SYNPO2: variants seen among roughly 807,000 people sequenced by gnomAD.
The protein encoded by SYNPO2 is synaptopodin-2.
SYNPO2 carries 56 observed loss-of-function variants against 85.0 expected under a neutral mutation model. The ratio of observed to expected loss-of-function variants is 0.66; its 90% CI spans 0.53 to 0.82. The LOEUF (loss-of-function observed/expected upper bound fraction) is 0.82. Among genes scored for constraint, SYNPO2 ranks in the 40% least tolerant of loss-of-function variants. The pLI is 0.00. For missense variants in SYNPO2, 1,575 were observed against 1,534.2 expected, an observed-to-expected ratio of 1.03 and a Z score of -0.44; for synonymous variants, 602 against 591.1, an observed-to-expected ratio of 1.02 and a Z score of -0.27.
rs781368756 is a variant in SYNPO2 at position 119,027,111 on chromosome 4, G to A, written c.742G>A (p.Glu248Lys). 2 of 1,614,148 alleles carry A rather than the reference G, an allele frequency of 1.2e-6. No individual in the cohort carries two copies. Among genetic ancestry groups the A allele is most frequent in the Non-Finnish European group, 1.7e-6 (2 of 1,180,032 alleles). The part of the protein sequence containing the change: ...IVHINSIPTN[E>K]KADPFLRSSK... ...CCACATAAATTCGATCCCTACTAAT[G>A]AGAAAGCAGACCCTTTCCTGAGGTC... Residue 248 changes from glutamate (E) to lysine (K), a missense_variant, in exon 3 of 5, where the codon GAG becomes AAG. Physicochemically the swap from Glu to Lys is moderately conservative, Grantham distance 56. Coordinates refer to ENST00000307142, the MANE Select transcript of SYNPO2 (RefSeq NM_133477.3).
intron 1 of SYNPO2, among the ~76,000 whole-genome samples, chr4:118,857,394 G>T (rs1375660187): frequency 6.6e-6 from 1 of 151,872 alleles, no homozygotes; most frequent in Non-Finnish European, 1.5e-5. Context: ...ACAGGACAAA[G>T]GTAATAGCTG....
In SYNPO2 at chr4:118,997,239, C is replaced by CAAAAAAAAAAAA. The variant is rs1434428754; in HGVS notation, c.106-26184_106-26173dup. 3.6e-3 allele frequency among the ~76,000 whole-genome samples: 235 copies of CAAAAAAAAAAAA among 65,106 alleles called. 6 individuals are homozygous for CAAAAAAAAAAAA. The highest frequency in any genetic ancestry group is 0.014 in the African/African-American group (225 of 15,862). 42.7% of individuals were successfully genotyped at this position (65,106 alleles called of 152,430 possible). Reference sequence around the variant, plus strand: ...TGGGCGACAGAGCGAGACTCCGTCTCAAAAAAAAAAAAAAAAAATTAAAAG... The same window carrying CAAAAAAAAAAAA: ...TGGGCGACAGAGCGAGACTCCGTCTCAAAAAAAAAAAAAAAAAAAAAAAAAAAAAATTAAAAG... On this transcript the variant is annotated intron_variant, in intron 1 of 4. Transcript: ENST00000307142.
rs529385245 is a variant in SYNPO2, at chr4:118,879,238, T to G, written c.12+28298T>G. Reference sequence around the variant, plus strand: ...AGGGTCCGTGGCTTCATTGTTGAAGTCAGGGAGACCATGAACCCACTGGAA... The same window carrying G: ...AGGGTCCGTGGCTTCATTGTTGAAGGCAGGGAGACCATGAACCCACTGGAA... On this transcript the variant is annotated intron_variant, in intron 1 of 4. Coordinates refer to the SYNPO2 transcript ENST00000610556. 1.2e-4 allele frequency among the ~76,000 whole-genome samples: 18 copies of G among 152,326 alleles called. No individual in the cohort carries two copies. The East Asian group carries it at 2.9e-3, about 24-fold the overall frequency.
chr4:119,033,525 T>C, intron 4 of SYNPO2: 4 of 985,420 alleles, frequency 4.1e-6, no homozygotes, highest in Non-Finnish European at 4.8e-6. Flanking sequence ...TGTAGAGAAC[T>C]ATAAAGCATT....
At chr4:119,033,233 A>T in intron 4 of SYNPO2, 3 of 985,390 alleles carry the variant, frequency 3.0e-6, no homozygotes, top group Non-Finnish European at 2.4e-6. Flanking sequence ...TTTCTGAGTG[A>T]TCTCACAGAT....
At chr4:118,959,979 G>T (rs1735018643) in intron 1 of SYNPO2, among the ~76,000 whole-genome samples, 1 of 152,146 alleles carries the variant, frequency 6.6e-6, no homozygotes, top group Admixed American at 6.6e-5. Context: ...ATCCAGGTGG[G>T]TTCTATCCTT....
At chr4:118,882,465 A>G (rs1732122925) in intron 1 of SYNPO2, among the ~76,000 whole-genome samples, 1 of 152,264 alleles carries the variant, frequency 6.6e-6, no homozygotes, top group Non-Finnish European at 1.5e-5. Flanking sequence ...TAGCAAAACT[A>G]TAGTCAATAG....
intron 1 of SYNPO2, among the ~76,000 whole-genome samples, chr4:118,921,400 C>T (rs894442711): frequency 3.3e-5 from 5 of 152,144 alleles, no homozygotes; most frequent in African/African-American, 1.2e-4. Flanking sequence ...TTCGACACAA[C>T]AGCCAGGCTG....
chr4:118,925,514 A>G (rs1733684043), intron 1 of SYNPO2, among the ~76,000 whole-genome samples: 1 of 152,006 alleles, frequency 6.6e-6, no homozygotes, highest in African/African-American at 2.4e-5. Flanking sequence ...AGGTCTGCAG[A>G]GCTTGTGATC....
At chr4:118,878,991 C>T (rs966985928) in intron 1 of SYNPO2, among the ~76,000 whole-genome samples, 1 of 152,322 alleles carries the variant, frequency 6.6e-6, no homozygotes, top group South Asian at 2.1e-4. Flanking sequence ...TGTGGCTTCA[C>T]TCCTGAAGTC....
chr4:118,911,994 G>A (rs539563981), intron 1 of SYNPO2, among the ~76,000 whole-genome samples: 2 of 152,262 alleles, frequency 1.3e-5, no homozygotes, highest in East Asian at 3.9e-4. Context: ...ATTATGGAAA[G>A]CATTAATGGG....
chr4:119,042,678 T>C (rs1260198538), intron 4 of SYNPO2: 2 of 152,176 alleles, frequency 1.3e-5, no homozygotes, highest in Non-Finnish European at 2.9e-5. Flanking sequence ...TGTTTAACTT[T>C]AACATTAATC....
chr4:118,891,327 TTG>T (rs1366177339), intron 1 of SYNPO2, among the ~76,000 whole-genome samples: 1 of 152,178 alleles, frequency 6.6e-6, no homozygotes, highest in African/African-American at 2.4e-5. Flanking sequence ...GCCTTAATTT[TTG>T]TGTGTTTGTG....
At chr4:118,926,453 T>TAATGC (rs1184349825) in intron 1 of SYNPO2, among the ~76,000 whole-genome samples, 1 of 152,104 alleles carries the variant, frequency 6.6e-6, no homozygotes, top group Non-Finnish European at 1.5e-5. Flanking sequence ...AATGTTTAGG[T>TAATGC]AATGCAGTAG....
At chr4:118,927,799 T>TTGATAGATAGATAGAA (rs1275283406) in intron 1 of SYNPO2, among the ~76,000 whole-genome samples, 19 of 152,110 alleles carry the variant, frequency 1.2e-4, no homozygotes, top group African/African-American at 4.6e-4. Flanking sequence ...GATAGATAGA[T>TTGATAGATAGATAGAA]AGATAGATAT....
chr4:119,037,670 T>G, intron 4 of SYNPO2: 1 of 977,542 alleles, frequency 1.0e-6, no homozygotes, highest in Non-Finnish European at 1.2e-6. Flanking sequence ...AAGTTTCTAC[T>G]ATATGCAGGA....
At chr4:118,984,960 C>T (rs1736162655) in intron 1 of SYNPO2, among the ~76,000 whole-genome samples, 2 of 152,186 alleles carry the variant, frequency 1.3e-5, no homozygotes, top group Non-Finnish European at 2.9e-5. Context: ...TATTGTTTGT[C>T]ATTGACATTA....
At chr4:119,013,163 T>C (rs1438555147) in intron 1 of SYNPO2, among the ~76,000 whole-genome samples, 1 of 152,184 alleles carries the variant, frequency 6.6e-6, no homozygotes, top group Non-Finnish European at 1.5e-5. Flanking sequence ...TGAAACCACT[T>C]GCACCTTAGC....
chr4:118,941,377 C>T (rs1734307826), intron 1 of SYNPO2, among the ~76,000 whole-genome samples: 1 of 152,204 alleles, frequency 6.6e-6, no homozygotes, highest in Non-Finnish European at 1.5e-5. Flanking sequence ...TAACTGGCAT[C>T]TGTCCAGCTC....
Sources: gnomAD v4.1 joint callset for allele counts (sites outside exome capture counted in the v4.1 genomes callset) on GRCh38, gnomAD v4.1.1 for gene constraint, MANE v1.5 for transcripts, NCBI Gene and HGNC (gene_info 2026-07-23, HGNC 2026-07-21) for gene names.